SLC4A4: variants seen among roughly 807,000 people sequenced by gnomAD.
SLC4A4 encodes electrogenic sodium bicarbonate cotransporter 1.
In SLC4A4, 27 loss-of-function variants were observed where a neutral mutation model predicts 111.5. That is an observed-to-expected ratio of 0.24 (90% CI 0.18 to 0.33). The LOEUF is 0.33. SLC4A4 is among the 10% of genes least tolerant of loss of function. The pLI, the probability that SLC4A4 is intolerant of heterozygous loss-of-function variation, is 1.00. For synonymous variants in SLC4A4, 443 were observed against 463.4 expected, an observed-to-expected ratio of 0.96 and a Z score of 0.57; for missense variants, 909 against 1,315.5, an observed-to-expected ratio of 0.69 and a Z score of 4.78.
chr4:71,258,597 G>T (rs1264301778), intron 3 of SLC4A4, among the ~76,000 whole-genome samples: 2 of 152,178 alleles, frequency 1.3e-5, no homozygotes, highest in Admixed American at 1.3e-4. Context: ...CTGAATGAAT[G>T]AATTACTACA....
In SLC4A4 at chr4:71,187,376, G is replaced by C. The variant is rs986436763; in HGVS notation, c.-27G>C. The C allele has an allele frequency of 6.6e-6, 1 of 152,162 alleles. No homozygotes were observed. The highest frequency in any genetic ancestry group is 1.9e-4 in the East Asian group (1 of 5,138). 9.4% of individuals were successfully genotyped at this position (152,162 alleles called of 1,614,324 possible). On this transcript the variant is annotated 5_prime_UTR_variant, in exon 1 of 26. Coordinates refer to ENST00000264485, the MANE Select transcript of SLC4A4 (RefSeq NM_001098484.3). ...CCCACACTCCGCCGCCAAACTGGAG[G>C]AGCGACGGAAGCCAGACCCCAGGAG...
chr4:71,287,333 T>C (rs1236751476), intron 3 of SLC4A4, among the ~76,000 whole-genome samples: 1 of 152,130 alleles, frequency 6.6e-6, no homozygotes, highest in African/African-American at 2.4e-5. Context: ...TTGATAAAAA[T>C]AGGATTTCAC....
intron 7 of SLC4A4, among the ~76,000 whole-genome samples, chr4:71,415,951 A>G (rs935313219): frequency 1.3e-5 from 2 of 152,196 alleles, no homozygotes; most frequent in Non-Finnish European, 2.9e-5. Flanking sequence ...CAGAGTAATC[A>G]TTTATTATTC....
At position 71,453,498 on chromosome 4, in the gene SLC4A4, C is replaced by A; in HGVS notation, c.1326C>A (p.Phe442Leu). 1 of 1,613,726 alleles carries A rather than the reference C, an allele frequency of 6.2e-7. No individual in the cohort carries two copies. Among genetic ancestry groups the A allele is most frequent in the Non-Finnish European group, 8.5e-7 (1 of 1,179,736 alleles). The change falls in exon 12 of 26, where the codon TTC (phenylalanine) becomes TTA (leucine). Residue 442 changes from phenylalanine to leucine, a missense_variant. Coordinates refer to ENST00000264485, the MANE Select transcript of SLC4A4 (RefSeq NM_001098484.3). The part of the protein sequence containing the change: ...DCEELQRTGR[F>L]CGGLIKDIKR... ...TGTTTGCATTCTCTCTGCCCAGGTT[C>A]TGTGGTGGACTAATTAAAGACATAA...
chr4:71,195,109 C>A (rs1198024538), intron 1 of SLC4A4, among the ~76,000 whole-genome samples: 1 of 151,724 alleles, frequency 6.6e-6, no homozygotes, highest in African/African-American at 2.4e-5. Context: ...CTTTAAATAA[C>A]AGTAGGTATC....
chr4:71,417,622 A>C (rs1721940132), intron 7 of SLC4A4, among the ~76,000 whole-genome samples: 1 of 152,120 alleles, frequency 6.6e-6, no homozygotes, highest in African/African-American at 2.4e-5. Flanking sequence ...TGTTGTCTTT[A>C]TTTGGTCTTC....
intron 1 of SLC4A4, among the ~76,000 whole-genome samples, chr4:71,086,311 C>T (rs548220757): frequency 1.8e-4 from 27 of 151,742 alleles, no homozygotes; most frequent in South Asian, 1.0e-3. Flanking sequence ...TGGGCTAAGA[C>T]GATGGGGTTT....
intron 1 of SLC4A4, among the ~76,000 whole-genome samples, chr4:71,223,675 CA>C (rs1718885338): frequency 6.6e-6 from 1 of 152,068 alleles, no homozygotes; most frequent in Admixed American, 6.5e-5. Flanking sequence ...AAAGCCTGCC[CA>C]AAGCCAAGTA....
chr4:71,181,544 A>G (rs972337724), intron 2 of SLC4A4, among the ~76,000 whole-genome samples: 1 of 152,168 alleles, frequency 6.6e-6, no homozygotes, highest in African/African-American at 2.4e-5. Flanking sequence ...TGTAAGAAGA[A>G]TGATGTCATA....
intron 3 of SLC4A4, among the ~76,000 whole-genome samples, chr4:71,301,803 A>G (rs1485847548): frequency 1.3e-5 from 2 of 152,216 alleles, no homozygotes; most frequent in Non-Finnish European, 2.9e-5. Context: ...ATAGCGAGCC[A>G]TCCCAGCCAC....
intron 16 of SLC4A4, among the ~76,000 whole-genome samples, chr4:71,524,199 TC>T (rs1308244058): frequency 1.3e-5 from 2 of 152,170 alleles, no homozygotes; most frequent in African/African-American, 2.4e-5. Flanking sequence ...TCCCAAATCC[TC>T]CGGCTGACCT....
At chr4:71,178,741 C>T (rs1578555822) in intron 2 of SLC4A4, among the ~76,000 whole-genome samples, 1 of 152,224 alleles carries the variant, frequency 6.6e-6, no homozygotes, top group East Asian at 1.9e-4. Flanking sequence ...AAGTCCAGGA[C>T]CAGATGGATT....
intron 2 of SLC4A4, among the ~76,000 whole-genome samples, chr4:71,246,321 C>T (rs1256026526): frequency 1.3e-5 from 2 of 152,160 alleles, no homozygotes; most frequent in Admixed American, 6.6e-5. Context: ...CAAGGATCCA[C>T]GTGTTCTGAC....
intron 6 of SLC4A4, among the ~76,000 whole-genome samples, chr4:71,388,540 T>TCATTCATC (rs1458997585): frequency 1.3e-5 from 2 of 151,970 alleles, no homozygotes; most frequent in Non-Finnish European, 2.9e-5. Context: ...TTATATTCAT[T>TCATTCATC]CATTCATTCA....
At chr4:71,480,230 A>G (rs767332663) in intron 14 of SLC4A4, among the ~76,000 whole-genome samples, 110 of 151,560 alleles carry the variant, frequency 7.3e-4, no homozygotes, top group Non-Finnish European at 3.1e-4. Context: ...TCAGCTCTTT[A>G]ACTTCCAGCA....
chr4:71,342,987 G>A (rs893098407), intron 4 of SLC4A4, among the ~76,000 whole-genome samples: 3 of 152,108 alleles, frequency 2.0e-5, no homozygotes, highest in East Asian at 1.9e-4. Flanking sequence ...AGGGCTTACC[G>A]TAATTGCTGT....
upstream of SLC4A4, among the ~76,000 whole-genome samples, chr4:71,182,359 A>G (rs1389061283): frequency 6.6e-6 from 1 of 152,198 alleles, no homozygotes; most frequent in Non-Finnish European, 1.5e-5. Context: ...CCGTGAAGAC[A>G]TGAGTCTGGT....
rs571273060 is a variant in SLC4A4, at chr4:71,263,319, T to C, written c.253+7920T>C. Among the ~76,000 whole-genome samples the C allele has an allele frequency of 1.2e-4, 19 of 152,278 alleles. 1 individual carries two copies. In the South Asian group the frequency reaches 3.9e-3, roughly 32 times the overall value. ...TTTTGAACTCTTGCAGCAAGTATTA[T>C]CTACATCACACAATCTGATACTTAG... On this transcript the variant is annotated intron_variant, in intron 3 of 25. Transcript: ENST00000264485.
chr4:71,531,127 C>G (rs1362367173), intron 16 of SLC4A4, among the ~76,000 whole-genome samples: 1 of 152,088 alleles, frequency 6.6e-6, no homozygotes, highest in Admixed American at 6.6e-5. Flanking sequence ...ATGGGAAGCT[C>G]AGGTATCTGT....
Sources: allele counts gnomAD v4.1 joint callset (sites outside exome capture counted in the v4.1 genomes callset), GRCh38; gene constraint gnomAD v4.1.1; transcripts MANE v1.5; gene names NCBI Gene and HGNC (gene_info 2026-07-23, HGNC 2026-07-21).